The following ZNF395 variants were observed in gnomAD, a reference collection of about 807,000 sequenced individuals.
ZNF395 encodes the protein HD gene regulatory region-binding protein 2.
A neutral mutation model predicts 57.7 loss-of-function variants in ZNF395; 20 were observed. The ratio of observed to expected loss-of-function variants is 0.35; its 90% CI spans 0.24 to 0.50. The LOEUF (loss-of-function observed/expected upper bound fraction) is 0.50. Ranked by LOEUF, ZNF395 falls within the 20% of genes least tolerant of loss-of-function variation. The pLI is 0.97. For synonymous variants in ZNF395, 295 were observed against 275.9 expected, an observed-to-expected ratio of 1.07 and a Z score of -0.69; for missense variants, 606 against 671.2, an observed-to-expected ratio of 0.90 and a Z score of 1.07.
At chr8:28,378,587 G>A (rs1585865546) in intron 1 of ZNF395, among the ~76,000 whole-genome samples, 4 of 152,196 alleles carry the variant, frequency 2.6e-5, no homozygotes, top group Admixed American at 2.6e-4. Context: ...GATCCCAGAA[G>A]GGTCTCTCAA....
intron 1 of ZNF395, among the ~76,000 whole-genome samples, chr8:28,361,840 C>T (rs1801853578): frequency 6.6e-6 from 1 of 152,148 alleles, no homozygotes; most frequent in Non-Finnish European, 1.5e-5. Flanking sequence ...GCCTGTAATC[C>T]CAACACTTTG....
chr8:28,359,908 CA>C lies in ZNF395; in HGVS notation c.241-85del. 1 of 1,514,368 alleles carries C rather than the reference CA, an allele frequency of 6.6e-7. No homozygotes were observed. The highest frequency in any genetic ancestry group is 8.9e-7 in the Non-Finnish European group (1 of 1,126,968). 93.8% of individuals were successfully genotyped at this position (1,514,368 alleles called of 1,614,324 possible). ...CTCATGCACCCCACGTCCCAGGAGCCAGGATCTGCCTGCCACAAACCATGTT... is the reference window on the plus strand; with the variant it reads ...CTCATGCACCCCACGTCCCAGGAGCCGGATCTGCCTGCCACAAACCATGTT... On this transcript the variant is annotated intron_variant, in intron 2 of 9. Transcript: ENST00000344423. This position sits in a 1 kb window ranked among gnomAD's most constrained non-coding sequence, Gnocchi z 4.7.
chr8:28,360,976 T>C lies in ZNF395; in HGVS notation c.149A>G (p.Asp50Gly). Residue 50 changes from aspartate (D) to glycine (G), a missense_variant, in exon 2 of 10, where the codon GAT becomes GGT. This residue lies in a region of ZNF395 where 309 missense variants were observed against 374.7 expected (regional missense o/e 0.82). Coordinates refer to ENST00000344423, the MANE Select transcript of ZNF395 (RefSeq NM_018660.3). ...GGGCTGCTCCTGGCAGGGGGTGTCATCAGAGGTGGTGAAAGGCTGGGGAGC... is the reference window on the plus strand; with the variant it reads ...GGGCTGCTCCTGGCAGGGGGTGTCACCAGAGGTGGTGAAAGGCTGGGGAGC... Reference protein sequence around the residue: ...GAAPQPFTTSDDTPCQEQPKE... With the variant: ...GAAPQPFTTSGDTPCQEQPKE... 1 of 1,613,186 alleles carries C rather than the reference T, an allele frequency of 6.2e-7. No individual in the cohort carries two copies. Among genetic ancestry groups the C allele is most frequent in the South Asian group, 1.1e-5 (1 of 91,054 alleles).
chr8:28,359,350 C>T lies in ZNF395; in HGVS notation c.473+242G>A, dbSNP rs1168169664. Reference sequence around the variant, plus strand: ...ACAGGAGGCAGAGGTTGCAGTGAGCCGAGATCATGCCACTGAACTCCAGCC... The same window carrying T: ...ACAGGAGGCAGAGGTTGCAGTGAGCTGAGATCATGCCACTGAACTCCAGCC... On this transcript the variant is annotated intron_variant, in intron 3 of 9. Coordinates refer to ENST00000344423, the MANE Select transcript of ZNF395 (RefSeq NM_018660.3). The surrounding 1 kb of genome is among the most constrained non-coding windows in gnomAD (Gnocchi z 4.7). Among the ~76,000 whole-genome samples, 2 of 152,096 alleles carry T rather than the reference C, an allele frequency of 1.3e-5. No individual in the cohort carries two copies. Among genetic ancestry groups the T allele is most frequent in the African/African-American group, 4.8e-5 (2 of 41,400 alleles).
intron 1 of ZNF395, among the ~76,000 whole-genome samples, chr8:28,364,569 G>A (rs542381176): frequency 3.2e-4 from 48 of 151,286 alleles, no homozygotes; most frequent in African/African-American, 1.1e-3. Flanking sequence ...CACAAGAATC[G>A]CTTGAACCCG....
intron 1 of ZNF395, among the ~76,000 whole-genome samples, chr8:28,375,106 C>G (rs914286384): frequency 6.6e-6 from 1 of 152,108 alleles, no homozygotes; most frequent in African/African-American, 2.4e-5. Flanking sequence ...ACAAAATTGG[C>G]TGTGCACAGG....
chr8:28,356,920 C>T lies in ZNF395; in HGVS notation c.474-141G>A. ...CTGTCCCCTCCAAGTGCCCCCAACTCCAATCAGCCAGTGTGTGCTCAGATC... is the reference window on the plus strand; with the variant it reads ...CTGTCCCCTCCAAGTGCCCCCAACTTCAATCAGCCAGTGTGTGCTCAGATC... On this transcript the variant is annotated intron_variant, in intron 3 of 9. Coordinates refer to ENST00000344423, the MANE Select transcript of ZNF395 (RefSeq NM_018660.3). The surrounding 1 kb of genome is among the most constrained non-coding windows in gnomAD (Gnocchi z 4.0). 2 of 640,924 alleles carry T rather than the reference C, an allele frequency of 3.1e-6. No individual in the cohort carries two copies. The highest frequency in any genetic ancestry group is 2.8e-5 in the Admixed American group (1 of 36,080). 39.7% of individuals were successfully genotyped at this position (640,924 alleles called of 1,614,324 possible).
At chr8:28,376,640 T>C (rs534270604) in intron 1 of ZNF395, among the ~76,000 whole-genome samples, 3 of 149,756 alleles carry the variant, frequency 2.0e-5, no homozygotes, top group African/African-American at 7.3e-5. Context: ...AAAAAAGGCA[T>C]GTTAGCCCAA....
chr8:28,349,039 G>A (rs1801644493), intron 9 of ZNF395, 86 bp downstream of exon 9: 1 of 1,358,188 alleles, frequency 7.4e-7, no homozygotes, highest in African/African-American at 1.4e-5. Flanking sequence ...TAACCCTGGT[G>A]ACTTCATCTG....
Position 28,352,486 on chromosome 8 carries a change from A to G in ZNF395, c.920+87T>C. 4.2e-6 allele frequency: 5 copies of G among 1,201,126 alleles called. No individual in the cohort carries two copies. Among genetic ancestry groups the G allele is most frequent in the Non-Finnish European group, 6.1e-6 (5 of 823,570 alleles). The allele number at this position is 1,201,126 out of a possible 1,614,324, so 74.4% of individuals were successfully genotyped here. On this transcript the variant is annotated intron_variant, in intron 6 of 9. Transcript: ENST00000344423. The surrounding 1 kb of genome is among the most constrained non-coding windows in gnomAD (Gnocchi z 4.0). ...CCCAGCAAGCCACGTTCCTGAAAGCACTGTGGGCTGTGGGTCACAGGGACT... is the reference window on the plus strand; with the variant it reads ...CCCAGCAAGCCACGTTCCTGAAAGCGCTGTGGGCTGTGGGTCACAGGGACT...
intron 4 of ZNF395, 41 bp from the exon 5 acceptor site, chr8:28,353,449 T>C (rs1366057366): frequency 4.2e-6 from 6 of 1,431,274 alleles, no homozygotes; most frequent in Non-Finnish European, 5.6e-6. Flanking sequence ...CTCACGGGCG[T>C]GTCCCTGGGC....
chr8:28,348,822 C>T lies in ZNF395; in HGVS notation c.1439G>A (p.Arg480Gln), dbSNP rs765714526. ...CTTGCGGCACTTCTTAGCCTCCCCT[C>T]GGGCTTTCCTGCAGAAAGAGAGGAA... ...PRAQSGARKA[R>Q]GEAKKCRKVY... Residue 480 changes from arginine to glutamine, a missense_variant, in exon 10 of 10, where the codon CGA (arginine) becomes CAA (glutamine). Transcript: ENST00000344423. 27 of 1,613,888 alleles carry T rather than the reference C, an allele frequency of 1.7e-5. No homozygotes were observed. Among genetic ancestry groups the T allele is most frequent in the Non-Finnish European group, 2.3e-5 (27 of 1,180,012 alleles).
At chr8:28,383,562 C>T (rs192735621) in intron 1 of ZNF395, among the ~76,000 whole-genome samples, 29 of 152,278 alleles carry the variant, frequency 1.9e-4, no homozygotes, top group African/African-American at 6.5e-4. Context: ...AATCAACAGC[C>T]CATACTCCTC....
intron 1 of ZNF395, among the ~76,000 whole-genome samples, chr8:28,380,581 T>G (rs1412473632): frequency 1.3e-5 from 2 of 152,218 alleles, no homozygotes; most frequent in Non-Finnish European, 2.9e-5. Context: ...CACATAGGAT[T>G]GTTAAATTAA....
At chr8:28,361,663 A>C (rs1345169128) in intron 1 of ZNF395, among the ~76,000 whole-genome samples, 2 of 152,150 alleles carry the variant, frequency 1.3e-5, no homozygotes, top group East Asian at 3.9e-4. Flanking sequence ...AAACCTCAGC[A>C]CACACACATC....
At chr8:28,353,098 T>C (rs763807352) in intron 5 of ZNF395, 75 bp downstream of exon 5, 15 of 1,475,058 alleles carry the variant, frequency 1.0e-5, no homozygotes, top group Non-Finnish European at 1.4e-5. Context: ...GGTCCCCTGC[T>C]CTCCACGGCT....
chr8:28,349,952 C>T (rs1222457623), intron 8 of ZNF395, 112 bp downstream of exon 8: 3 of 952,642 alleles, frequency 3.1e-6, no homozygotes, highest in Non-Finnish European at 4.4e-6. Flanking sequence ...GCAAGATGGC[C>T]ACACCGACCT....
intron 6 of ZNF395, 73 bp from the exon 7 acceptor site, chr8:28,351,880 G>T: frequency 6.7e-7 from 1 of 1,482,022 alleles, no homozygotes; most frequent in East Asian, 2.3e-5. Context: ...CCGCGGTAGG[G>T]AGGGAAGTGA....
intron 3 of ZNF395, among the ~76,000 whole-genome samples, chr8:28,357,583 C>A (rs1363265254): frequency 6.6e-6 from 1 of 152,226 alleles, no homozygotes; most frequent in Admixed American, 6.5e-5. Flanking sequence ...TTATTCCTTA[C>A]AATTCAGGTC....
Sources: gnomAD v4.1 joint callset for allele counts (sites outside exome capture counted in the v4.1 genomes callset) on GRCh38, gnomAD v4.1.1 for gene constraint, gnomAD v4.1.1 regional missense constraint, Gnocchi (gnomAD v3.1) non-coding constraint, MANE v1.5 for transcripts, NCBI Gene and HGNC (gene_info 2026-07-23, HGNC 2026-07-21) for gene names.